The following ZFYVE1 variants were observed in gnomAD, a reference collection of about 807,000 sequenced individuals.
The protein encoded by ZFYVE1 is zinc finger FYVE domain-containing protein 1.
In ZFYVE1, 30 loss-of-function variants were observed where a neutral mutation model predicts 74.4. The observed-to-expected ratio is 0.40, with a 90% CI of 0.30 to 0.55. ZFYVE1 has a LOEUF of 0.55. Ranked by LOEUF, ZFYVE1 falls within the 20% of genes least tolerant of loss-of-function variation. The pLI is 0.42. For synonymous variants in ZFYVE1, 335 were observed against 385.1 expected (o/e 0.87, Z 1.52); for missense variants, 703 against 1,011.6 (o/e 0.69, Z 4.14).
rs753544365 is a variant in ZFYVE1 at position 72,981,856 on chromosome 14, G to C, written c.1243C>G (p.Gln415Glu). ...DRFSGEIPDDQMAHSSFFPDE... is the reference protein window; with the variant it reads ...DRFSGEIPDDEMAHSSFFPDE... ...GGAAAAAAGGAGCTGTGCGCCATCT[G>C]GTCATCGGGGATCTCACCGCTGAAG... The change falls in exon 5 of 12, where the codon CAG becomes GAG. Residue 415 changes from glutamine (Q) to glutamate (E), a missense_variant. Transcript: ENST00000556143. 1.9e-6 allele frequency: 3 copies of C among 1,614,076 alleles called. No homozygotes were observed. The South Asian group carries it at 3.3e-5, about 18-fold the overall frequency.
At chr14:72,991,999 C>T (rs945746445) in intron 4 of ZFYVE1, among the ~76,000 whole-genome samples, 6 of 151,792 alleles carry the variant, frequency 4.0e-5, no homozygotes, top group African/African-American at 7.3e-5. Context: ...GTCTGCCTCC[C>T]GGATTCAAGC....
intron 2 of ZFYVE1, among the ~76,000 whole-genome samples, chr14:73,012,689 CA>C (rs933439373): frequency 2.0e-5 from 3 of 152,114 alleles, no homozygotes; most frequent in Non-Finnish European, 4.4e-5. Context: ...AGCTTCATTC[CA>C]GAGAATGAAG....
chr14:72,993,098 C>T, intron 4 of ZFYVE1, 45 bp downstream of exon 4: 1 of 1,522,728 alleles, frequency 6.6e-7, no homozygotes, highest in Non-Finnish European at 8.9e-7. Flanking sequence ...TCTCACCACC[C>T]ACTGGCACCC....
chr14:72,993,392 A>G, intron 3 of ZFYVE1, 35 bp from the exon 4 acceptor site: 3 of 1,463,086 alleles, frequency 2.1e-6, no homozygotes, highest in South Asian at 1.2e-5. Context: ...ATGGGTAGTG[A>G]GTGACATTTA....
Position 72,998,319 on chromosome 14 carries a change from C to CAAAA in ZFYVE1, c.484-8_484-5dup, listed in dbSNP as rs3061072. 2.3e-4 allele frequency: 278 copies of CAAAA among 1,221,304 alleles called. No homozygotes were observed. The highest frequency in any genetic ancestry group is 3.3e-4 in the South Asian group (13 of 39,576). The allele number at this position is 1,221,304 out of a possible 1,614,324, so 75.7% of individuals were successfully genotyped here. A position where few individuals can be genotyped will look rare whatever the true frequency, so the allele number is the denominator to read the frequency against. Reference sequence around the variant, plus strand: ...TAAAGTCTTCTTCATTTGTTACCTGCAAAAAAAAAAAAAAAGACCATGAAA... The same window carrying CAAAA: ...TAAAGTCTTCTTCATTTGTTACCTGCAAAAAAAAAAAAAAAAAAAGACCATGAAA... On this transcript the variant is annotated splice_region_variant and splice_polypyrimidine_tract_variant and intron_variant, in intron 2 of 11. Transcript: ENST00000556143.
chr14:72,990,579 A>G (rs1453333461), intron 4 of ZFYVE1, among the ~76,000 whole-genome samples: 4 of 150,204 alleles, frequency 2.7e-5, no homozygotes, highest in Non-Finnish European at 4.4e-5. Context: ...TATTTTTAGT[A>G]GAGACGTGGT....
At chr14:72,979,652 TA>T (rs201080829) in intron 5 of ZFYVE1, among the ~76,000 whole-genome samples, 1,552 of 136,884 alleles carry the variant, frequency 0.011, 1 homozygote, top group African/African-American at 0.015. Flanking sequence ...ACTCTGTCTT[TA>T]AAAAAAAAAA....
rs762875586 is a variant in ZFYVE1, at chr14:73,024,228, G to A, written c.281C>T (p.Thr94Ile). 6.2e-6 allele frequency: 10 copies of A among 1,614,012 alleles called. No individual in the cohort carries two copies. The highest frequency in any genetic ancestry group is 2.2e-5 in the East Asian group (1 of 44,904). ...CTCCAGGCACAAGTTAATTTTGCAG[G>A]TCTGGCACCTCACTATTGCCCTCTG... ...VRQRAIVRCQ[T>I]CKINLCLECQ... is the part of the protein sequence containing the mutation. The change falls in exon 2 of 12, where the codon ACC becomes ATC. Residue 94 changes from threonine (T) to isoleucine (I), a missense_variant. By Grantham distance (89) the Thr-to-Ile change is moderately conservative. Around this residue, in one of 2 missense-constraint regions of ZFYVE1, gnomAD observed 211 missense variants for 221.7 expected, o/e 0.95. Coordinates refer to ENST00000556143, the MANE Select transcript of ZFYVE1 (RefSeq NM_021260.4).
chr14:72,992,486 G>T (rs1026624296), intron 4 of ZFYVE1, among the ~76,000 whole-genome samples: 1 of 152,068 alleles, frequency 6.6e-6, no homozygotes, highest in Non-Finnish European at 1.5e-5. Context: ...TTGGTGTAAG[G>T]ATTAAGTGAA....
chr14:72,973,070 T>C (rs1893076427), intron 11 of ZFYVE1, among the ~76,000 whole-genome samples: 1 of 152,160 alleles, frequency 6.6e-6, no homozygotes, highest in African/African-American at 2.4e-5. Context: ...AGCCATAGAA[T>C]CTTTCACCCA....
intron 4 of ZFYVE1, among the ~76,000 whole-genome samples, chr14:72,987,703 T>C (rs1322859593): frequency 6.6e-6 from 1 of 152,364 alleles, no homozygotes; most frequent in East Asian, 1.9e-4. Flanking sequence ...CTCTATTCGA[T>C]AGAGACCTGA....
intron 2 of ZFYVE1, among the ~76,000 whole-genome samples, chr14:73,005,800 T>C (rs763479183): frequency 5.3e-5 from 8 of 152,342 alleles, no homozygotes; most frequent in Non-Finnish European, 8.8e-5. Flanking sequence ...CAGCTGGGCT[T>C]GCACCTGTGA....
intron 3 of ZFYVE1, 76 bp downstream of exon 3, chr14:72,997,732 CAAG>C: frequency 6.7e-7 from 1 of 1,496,080 alleles, no homozygotes; most frequent in East Asian, 2.3e-5. Context: ...CCACTACCAA[CAAG>C]TTGCTATTGC....
intron 2 of ZFYVE1, among the ~76,000 whole-genome samples, chr14:73,004,765 A>T (rs1453334180): frequency 6.6e-6 from 1 of 152,144 alleles, no homozygotes; most frequent in African/African-American, 2.4e-5. Context: ...TGGGAGGCCA[A>T]AGCAGATGGA....
At chr14:73,012,239 G>C (rs1894106272) in intron 2 of ZFYVE1, among the ~76,000 whole-genome samples, 1 of 152,046 alleles carries the variant, frequency 6.6e-6, no homozygotes, top group Admixed American at 6.6e-5. Context: ...ACAGTTAACT[G>C]AGACATAAGG....
intron 3 of ZFYVE1, among the ~76,000 whole-genome samples, chr14:72,996,338 A>T (rs1893748233): frequency 6.6e-6 from 1 of 152,162 alleles, no homozygotes; most frequent in Non-Finnish European, 1.5e-5. Context: ...GAATGCATTG[A>T]AGGGAGTTAG....
At position 72,975,682 on chromosome 14, in the gene ZFYVE1, G is replaced by T; in HGVS notation, c.1675C>A (p.Arg559Ser). The T allele has an allele frequency of 6.2e-7, 1 of 1,614,136 alleles. No individual in the cohort carries two copies. Among genetic ancestry groups the T allele is most frequent in the Non-Finnish European group, 8.5e-7 (1 of 1,180,026 alleles). Residue 559 changes from arginine to serine, a missense_variant, in exon 9 of 12, where the codon CGC (arginine) becomes AGC (serine). By Grantham distance (110) the Arg-to-Ser change is moderately radical. Transcript: ENST00000556143. This position sits in a 1 kb window ranked among gnomAD's most constrained non-coding sequence, Gnocchi z 4.1. ...ATGAAGTTCATCCCGTCCAACAGGC[G>T]CTGGGCAGCATTGTTGTTGTCCTTC... The part of the protein sequence containing the change: ...FLKDNNNAAQ[R>S]LLDGMNFMAQ...
chr14:73,012,206 G>A (rs2140381427), intron 2 of ZFYVE1, among the ~76,000 whole-genome samples: 1 of 152,212 alleles, frequency 6.6e-6, no homozygotes, highest in Middle Eastern at 3.4e-3. Context: ...TAGGTTGTCT[G>A]TCAAATATCA....
At chr14:72,976,414 G>C (rs924564443) in intron 8 of ZFYVE1, among the ~76,000 whole-genome samples, 4 of 152,154 alleles carry the variant, frequency 2.6e-5, no homozygotes, top group Non-Finnish European at 5.9e-5. Context: ...TTATGCCAAG[G>C]AGGTGGGCTC....
Sources: allele counts gnomAD v4.1 joint callset (sites outside exome capture counted in the v4.1 genomes callset), GRCh38; gene constraint gnomAD v4.1.1; regional missense constraint gnomAD v4.1.1; non-coding constraint Gnocchi (gnomAD v3.1); transcripts MANE v1.5; gene names NCBI Gene and HGNC (gene_info 2026-07-23, HGNC 2026-07-21).